RALYL: variants seen among roughly 807,000 people sequenced by gnomAD.
RALYL encodes the protein RALY RNA binding protein like.
In RALYL, 29 loss-of-function variants were observed where a neutral mutation model predicts 35.1. The observed-to-expected ratio is 0.83, with a 90% confidence interval of 0.61 to 1.13. The LOEUF is 1.13. RALYL is among the 50% of genes most tolerant of loss of function. The pLI is 0.00. For synonymous variants in RALYL, 120 were observed against 127.6 expected (o/e 0.94, Z 0.40); for missense variants, 359 against 360.4 (o/e 1.00, Z 0.03).
intron 1 of RALYL, among the ~76,000 whole-genome samples, chr8:84,471,039 A>G (rs2052673602): frequency 6.6e-6 from 1 of 152,184 alleles, no homozygotes; most frequent in Non-Finnish European, 1.5e-5. Context: ...TTTCTGTAAC[A>G]TTGAGCACTG....
intron 1 of RALYL, among the ~76,000 whole-genome samples, chr8:84,231,458 A>T (rs879410587): frequency 1.3e-5 from 2 of 152,154 alleles, no homozygotes; most frequent in Non-Finnish European, 2.9e-5. Context: ...TATAGTACTG[A>T]AAAAATGGCC....
intron 1 of RALYL, among the ~76,000 whole-genome samples, chr8:84,367,321 T>TGTTTTTGTTTTTG (rs1563799958): frequency 8.0e-4 from 9 of 11,320 alleles, no homozygotes; most frequent in Non-Finnish European, 1.3e-3. Flanking sequence ...TTTTTGTATT[T>TGTTTTTGTTTTTG]TTTTTTTTTT....
chr8:84,890,183 A>G (rs1468664813), intron 8 of RALYL, among the ~76,000 whole-genome samples: 1 of 152,182 alleles, frequency 6.6e-6, no homozygotes, highest in Non-Finnish European at 1.5e-5. Context: ...CTTGGTGAAG[A>G]GAAAGAGAAA....
At chr8:84,236,894 T>C (rs981502173) in intron 1 of RALYL, among the ~76,000 whole-genome samples, 1 of 152,144 alleles carries the variant, frequency 6.6e-6, no homozygotes, top group South Asian at 2.1e-4. Context: ...TTTATTAAGC[T>C]GAAAGAAATA....
chr8:84,254,977 C>G (rs960517119), intron 1 of RALYL, among the ~76,000 whole-genome samples: 2 of 151,934 alleles, frequency 1.3e-5, no homozygotes, highest in Non-Finnish European at 2.9e-5. Context: ...CTTCCATGAT[C>G]CAATTATCTC....
chr8:84,687,779 C>G (rs913186363), intron 2 of RALYL, among the ~76,000 whole-genome samples: 6 of 151,968 alleles, frequency 3.9e-5, no homozygotes, highest in Non-Finnish European at 7.4e-5. Flanking sequence ...GGGGTATTCA[C>G]TCTCTCACTA....
rs139189327 is a variant in RALYL at position 84,715,160 on chromosome 8, G to A, written c.257-59419G>A. ...TTTGTTTTCATCCAAAGGGAAAATTGAGTAGTTCTAAATGAATTGGGTAAT... is the reference window on the plus strand; with the variant it reads ...TTTGTTTTCATCCAAAGGGAAAATTAAGTAGTTCTAAATGAATTGGGTAAT... On this transcript the variant is annotated intron_variant, in intron 2 of 8. Coordinates refer to ENST00000521268, the MANE Select transcript of RALYL (RefSeq NM_173848.7). Among the ~76,000 whole-genome samples the A allele has an allele frequency of 3.8e-4, 58 of 151,926 alleles. 1 individual carries two copies. The highest frequency in any genetic ancestry group is 1.4e-3 in the African/African-American group (57 of 41,542).
At chr8:84,907,883 T>C (rs1341179711) in intron 8 of RALYL, among the ~76,000 whole-genome samples, 1 of 152,108 alleles carries the variant, frequency 6.6e-6, no homozygotes, top group Non-Finnish European at 1.5e-5. Flanking sequence ...ACCTTGATAT[T>C]TGTGACCAAA....
intron 2 of RALYL, among the ~76,000 whole-genome samples, chr8:84,590,234 T>C (rs996715234): frequency 6.6e-6 from 1 of 152,196 alleles, no homozygotes; most frequent in Non-Finnish European, 1.5e-5. Flanking sequence ...TTGCTAAACT[T>C]CCACAGGTAG....
intron 2 of RALYL, among the ~76,000 whole-genome samples, chr8:84,711,017 G>C (rs1842096104): frequency 6.6e-6 from 1 of 151,640 alleles, no homozygotes; most frequent in South Asian, 2.1e-4. Flanking sequence ...GGGGAAGTCA[G>C]GAAAAGCCAC....
chr8:84,775,482 C>A (rs1816628231), intron 3 of RALYL, among the ~76,000 whole-genome samples: 1 of 152,256 alleles, frequency 6.6e-6, no homozygotes, highest in South Asian at 2.1e-4. Flanking sequence ...CTCAGTCAGT[C>A]AGCCTTCTTT....
chr8:84,693,340 C>T (rs1310408598), intron 2 of RALYL, among the ~76,000 whole-genome samples: 3 of 151,772 alleles, frequency 2.0e-5, no homozygotes, highest in Non-Finnish European at 4.4e-5. Flanking sequence ...GCAAACACGT[C>T]CTTCTTCACA....
intron 3 of RALYL, among the ~76,000 whole-genome samples, chr8:84,778,228 G>A (rs141730607): frequency 1.3e-4 from 20 of 152,204 alleles, no homozygotes; most frequent in African/African-American, 4.3e-4. Context: ...GTGAACTGCC[G>A]CCAGACTTTC....
intron 1 of RALYL, among the ~76,000 whole-genome samples, chr8:84,393,246 G>A (rs1474388579): frequency 1.3e-5 from 2 of 151,972 alleles, no homozygotes; most frequent in African/African-American, 2.4e-5. Context: ...TAAAGGATCC[G>A]CTCCCACGCT....
chr8:84,206,595 G>A (rs1818112193), intron 1 of RALYL, among the ~76,000 whole-genome samples: 1 of 152,132 alleles, frequency 6.6e-6, no homozygotes, highest in Non-Finnish European at 1.5e-5. Flanking sequence ...TCTAGAAACA[G>A]TAATTGATGA....
chr8:84,210,307 A>G (rs956298980), intron 1 of RALYL, among the ~76,000 whole-genome samples: 3 of 152,030 alleles, frequency 2.0e-5, no homozygotes, highest in African/African-American at 4.8e-5. Context: ...GACAGCTGAT[A>G]AATCTTTAAA....
intron 1 of RALYL, among the ~76,000 whole-genome samples, chr8:84,502,848 G>C (rs775679773): frequency 6.6e-6 from 1 of 150,928 alleles, no homozygotes; most frequent in Non-Finnish European, 1.5e-5. Context: ...ATACTTAATA[G>C]TATTGAAATG....
intron 1 of RALYL, among the ~76,000 whole-genome samples, chr8:84,386,842 G>A (rs1036655985): frequency 2.0e-5 from 3 of 151,766 alleles, no homozygotes; most frequent in Non-Finnish European, 4.4e-5. Context: ...TAAACCTCAC[G>A]GAGAGCCCTT....
At chr8:84,518,793 T>C (rs2058249336) in intron 1 of RALYL, among the ~76,000 whole-genome samples, 1 of 152,182 alleles carries the variant, frequency 6.6e-6, no homozygotes, top group Non-Finnish European at 1.5e-5. Flanking sequence ...TATAGTAGCC[T>C]ACATGAAATC....
Sources: allele counts gnomAD v4.1 joint callset (sites outside exome capture counted in the v4.1 genomes callset), GRCh38; gene constraint gnomAD v4.1.1; transcripts MANE v1.5; gene names NCBI Gene and HGNC (gene_info 2026-07-23, HGNC 2026-07-21).